The following AGPAT4 variants were observed in gnomAD, a reference collection of about 807,000 sequenced individuals.
The protein encoded by AGPAT4 is 1-acyl-sn-glycerol-3-phosphate acyltransferase delta.
AGPAT4 carries 15 observed loss-of-function variants against 48.0 expected under a neutral mutation model. The observed-to-expected ratio is 0.31, with a 90% confidence interval of 0.21 to 0.48. AGPAT4 has a LOEUF of 0.48. AGPAT4 is among the 20% of genes least tolerant of loss of function. The probability of loss-of-function intolerance (pLI) is 0.99; values close to 1 mark genes in which losing one functional copy is unlikely to be tolerated. For synonymous variants in AGPAT4, 178 were observed against 198.7 expected, an observed-to-expected ratio of 0.90 and a Z score of 0.88; for missense variants, 314 against 482.5, an observed-to-expected ratio of 0.65 and a Z score of 3.27.
At chr6:161,150,255 G>A (rs144422948) in intron 5 of AGPAT4, among the ~76,000 whole-genome samples, 3 of 152,216 alleles carry the variant, frequency 2.0e-5, no homozygotes, top group Non-Finnish European at 4.4e-5. Flanking sequence ...TAGGAGGAAC[G>A]GGTGGGAACC....
In AGPAT4 at chr6:161,133,453, CAA is replaced by C. The variant is rs1348071534; in HGVS notation, c.*3085_*3086del. On this transcript the variant is annotated 3_prime_UTR_variant, in exon 9 of 9. Transcript: ENST00000320285. ...TGAAAAAAGTTGGTTTTCTCTCTGTCAAAGTCAATAGGGTGGTAGACTAACTC... is the reference window on the plus strand; with the variant it reads ...TGAAAAAAGTTGGTTTTCTCTCTGTCAGTCAATAGGGTGGTAGACTAACTC... The C allele has an allele frequency of 6.6e-6, 1 of 152,194 alleles. No individual in the cohort carries two copies. The highest frequency in any genetic ancestry group is 1.5e-5 in the Non-Finnish European group (1 of 68,040). The allele number at this position is 152,194 out of a possible 1,614,324, so 9.4% of individuals were successfully genotyped here.
In AGPAT4 at chr6:161,240,739, T is replaced by C. The variant is rs150776023; in HGVS notation, c.-89-8437A>G. Among the ~76,000 whole-genome samples, 10 of 152,192 alleles carry C rather than the reference T, an allele frequency of 6.6e-5. No individual in the cohort carries two copies. The East Asian group carries it at 1.7e-3, about 26-fold the overall frequency. On this transcript the variant is annotated intron_variant, in intron 1 of 8. Transcript: ENST00000320285. This position sits in a 1 kb window ranked among gnomAD's most constrained non-coding sequence, Gnocchi z 5.5. ...CACACTACATTCAGATTGCCAGCAC[T>C]CCTTCAGGTCGGATGAATGTGGCCA...
intron 3 of AGPAT4, chr6:161,160,425 G>A (rs1251420065): frequency 1.3e-5 from 2 of 155,118 alleles, no homozygotes; most frequent in Non-Finnish European, 2.9e-5. Flanking sequence ...AGCTGCAGGG[G>A]AAATGCATAA....
chr6:161,238,854 C>T lies in AGPAT4; in HGVS notation c.-89-6552G>A, dbSNP rs1044527457. ...ACCCTTTTGCTTGGTGCTTCTCCTT[C>T]CTGTCAGCATGTGAAGAAGGTTGCG... On this transcript the variant is annotated intron_variant, in intron 1 of 8. Transcript: ENST00000320285. The surrounding 1 kb of genome is among the most constrained non-coding windows in gnomAD (Gnocchi z 5.2). Among the ~76,000 whole-genome samples, 1 of 152,180 alleles carries T rather than the reference C, an allele frequency of 6.6e-6. No homozygotes were observed. Among genetic ancestry groups the T allele is most frequent in the African/African-American group, 2.4e-5 (1 of 41,440 alleles).
chr6:161,203,903 C>T (rs1465670380), intron 2 of AGPAT4, among the ~76,000 whole-genome samples: 1 of 152,092 alleles, frequency 6.6e-6, no homozygotes, highest in African/African-American at 2.4e-5. Flanking sequence ...TTCATTTGAC[C>T]CTCTAAATTC....
In AGPAT4 at chr6:161,223,415, T is replaced by C. The variant is rs1781882623; in HGVS notation, c.178+8621A>G. Among the ~76,000 whole-genome samples the C allele has an allele frequency of 1.3e-5, 2 of 152,170 alleles. No homozygotes were observed. Among genetic ancestry groups the C allele is most frequent in the Non-Finnish European group, 2.9e-5 (2 of 68,022 alleles). ...TTCAAAGTGTGGTGGAAAAGGGGAT[T>C]TTGGAATCTCAGCTCTCCTCCTCTC... On this transcript the variant is annotated intron_variant, in intron 2 of 8. Coordinates refer to ENST00000320285, the MANE Select transcript of AGPAT4 (RefSeq NM_020133.3). This position sits in a 1 kb window ranked among gnomAD's most constrained non-coding sequence, Gnocchi z 6.3.
Position 161,166,460 on chromosome 6 carries a change from T to C in AGPAT4, c.179-43A>G, listed in dbSNP as rs371746673. 12 of 1,551,794 alleles carry C rather than the reference T, an allele frequency of 7.7e-6. No individual in the cohort carries two copies. The African/African-American group carries it at 1.4e-4, about 18-fold the overall frequency. ...AGACAGATGTTTACTACATGCAGCC[T>C]TGTCCTGGGAGCCCTGCTGAGAGCA... On this transcript the variant is annotated intron_variant, in intron 2 of 8. Transcript: ENST00000320285. The surrounding 1 kb of genome is among the most constrained non-coding windows in gnomAD (Gnocchi z 6.7).
rs1780202672 is a variant in AGPAT4 at position 161,169,363 on chromosome 6, A to G, written c.179-2946T>C. Among the ~76,000 whole-genome samples, 1 of 152,240 alleles carries G rather than the reference A, an allele frequency of 6.6e-6. No individual in the cohort carries two copies. Among genetic ancestry groups the G allele is most frequent in the African/African-American group, 2.4e-5 (1 of 41,464 alleles). On this transcript the variant is annotated intron_variant, in intron 2 of 8. Coordinates refer to ENST00000320285, the MANE Select transcript of AGPAT4 (RefSeq NM_020133.3). The surrounding 1 kb of genome is among the most constrained non-coding windows in gnomAD (Gnocchi z 5.0). Reference sequence around the variant, plus strand: ...AGCGAGAGGGGATGGTGCTGGGACCAGGTGGGGGAAGACCAAATTTCCCAC... The same window carrying G: ...AGCGAGAGGGGATGGTGCTGGGACCGGGTGGGGGAAGACCAAATTTCCCAC...
intron 5 of AGPAT4, among the ~76,000 whole-genome samples, chr6:161,151,881 C>T (rs1779601354): frequency 6.6e-6 from 1 of 152,170 alleles, no homozygotes; most frequent in Non-Finnish European, 1.5e-5. Context: ...GGCCCAGGGT[C>T]GGTGTAGAGG....
rs1433005863 is a variant in AGPAT4 at position 161,240,219 on chromosome 6, TATACACACACAC to T, written c.-89-7929_-89-7918del. ...AACACTAACAGCAGATATCTTTGTG[TATACACACACAC>T]ACACACACACACACACACACACACA... is the stretch of plus-strand genomic sequence containing the variant. On this transcript the variant is annotated intron_variant, in intron 1 of 8. Coordinates refer to ENST00000320285, the MANE Select transcript of AGPAT4 (RefSeq NM_020133.3). The surrounding 1 kb of genome is among the most constrained non-coding windows in gnomAD (Gnocchi z 5.5). Among the ~76,000 whole-genome samples the T allele has an allele frequency of 2.5e-5, 3 of 121,948 alleles. No individual in the cohort carries two copies. The East Asian group carries it at 6.8e-4, about 28-fold the overall frequency. 80.0% of individuals were successfully genotyped at this position (121,948 alleles called of 152,430 possible).
chr6:161,147,202 T>G lies in AGPAT4; in HGVS notation c.768-603A>C, dbSNP rs1382787165. ...GGGCATCTTCCCCAGGCTCCATGGC[T>G]CAGACAGGGGTCTTGAGTCACTGTG... On this transcript the variant is annotated intron_variant, in intron 6 of 8. Transcript: ENST00000320285. The surrounding 1 kb of genome is among the most constrained non-coding windows in gnomAD (Gnocchi z 4.8). 4.6e-5 allele frequency among the ~76,000 whole-genome samples: 7 copies of G among 152,112 alleles called. No individual in the cohort carries two copies. In the East Asian group the frequency reaches 9.6e-4, roughly 21 times the overall value.
At position 161,204,447 on chromosome 6, in the gene AGPAT4, G is replaced by T. The variant is rs957519259; in HGVS notation, c.178+27589C>A. ...ACTTACATAACCAATTTTATCACCA[G>T]TTCCAACCTTAAAGGTAAATACTTC... On this transcript the variant is annotated intron_variant, in intron 2 of 8. Transcript: ENST00000320285. The surrounding 1 kb of genome is among the most constrained non-coding windows in gnomAD (Gnocchi z 4.4). Among the ~76,000 whole-genome samples, 6 of 152,014 alleles carry T rather than the reference G, an allele frequency of 3.9e-5. 1 individual carries two copies. In the South Asian group the frequency reaches 1.2e-3, roughly 32 times the overall value.
intron 1 of AGPAT4, among the ~76,000 whole-genome samples, chr6:161,257,535 AC>A (rs1178782802): frequency 3.9e-5 from 6 of 152,218 alleles, no homozygotes; most frequent in Non-Finnish European, 8.8e-5. Context: ...AACTCATTGA[AC>A]TATACACTTA....
intron 3 of AGPAT4, chr6:161,160,868 G>T (rs1779908482): frequency 2.5e-6 from 1 of 396,270 alleles, no homozygotes; most frequent in African/African-American, 2.1e-5. Flanking sequence ...CGTTACAGGG[G>T]TAGGTGGGAA....
intron 3 of AGPAT4, among the ~76,000 whole-genome samples, chr6:161,162,570 C>T (rs1779967816): frequency 6.6e-6 from 1 of 152,178 alleles, no homozygotes; most frequent in Admixed American, 6.5e-5. Flanking sequence ...CTGCCAGATC[C>T]CCCGCTCAGC....
Position 161,169,597 on chromosome 6 carries a change from A to G in AGPAT4, c.179-3180T>C, listed in dbSNP as rs928764575. Among the ~76,000 whole-genome samples, 3 of 152,156 alleles carry G rather than the reference A, an allele frequency of 2.0e-5. No individual in the cohort carries two copies. Among genetic ancestry groups the G allele is most frequent in the African/African-American group, 7.2e-5 (3 of 41,420 alleles). On this transcript the variant is annotated intron_variant, in intron 2 of 8. Transcript: ENST00000320285. This position sits in a 1 kb window ranked among gnomAD's most constrained non-coding sequence, Gnocchi z 5.0. ...GCAATCCTTCCACCTTGGCCTCCCA[A>G]AGTGCTGGGATTATAGGCATGAGCC...
Position 161,154,034 on chromosome 6 carries a change from G to T in AGPAT4, c.510+115C>A. On this transcript the variant is annotated intron_variant, in intron 4 of 8. Transcript: ENST00000320285. The surrounding 1 kb of genome is among the most constrained non-coding windows in gnomAD (Gnocchi z 7.8). Reference sequence around the variant, plus strand: ...ATACACAGCCCTATGGTCACACACAGCCCTGGAGTCGCACAGGACCACACA... The same window carrying T: ...ATACACAGCCCTATGGTCACACACATCCCTGGAGTCGCACAGGACCACACA... 1 of 1,383,858 alleles carries T rather than the reference G, an allele frequency of 7.2e-7. No individual in the cohort carries two copies. 85.7% of individuals were successfully genotyped at this position (1,383,858 alleles called of 1,614,324 possible). A position where few individuals can be genotyped will look rare whatever the true frequency, so the allele number is the denominator to read the frequency against.
chr6:161,185,757 G>A (rs1780750756), intron 2 of AGPAT4, among the ~76,000 whole-genome samples: 1 of 152,152 alleles, frequency 6.6e-6, no homozygotes, highest in Admixed American at 6.5e-5. Flanking sequence ...TCTCAGTCCT[G>A]GCTTGGGCAC....
intron 2 of AGPAT4, among the ~76,000 whole-genome samples, chr6:161,168,724 G>GT: frequency 6.6e-6 from 1 of 152,294 alleles, no homozygotes; most frequent in East Asian, 1.9e-4. Context: ...ACTGTCCAGG[G>GT]AAAAGACAGC....
Sources: gnomAD v4.1 joint callset for allele counts (sites outside exome capture counted in the v4.1 genomes callset) on GRCh38, gnomAD v4.1.1 for gene constraint, Gnocchi (gnomAD v3.1) non-coding constraint, MANE v1.5 for transcripts, NCBI Gene and HGNC (gene_info 2026-07-23, HGNC 2026-07-21) for gene names.